Variants in CYYR1 observed in about 807,000 individuals in gnomAD.
CYYR1 encodes the protein cysteine and tyrosine-rich protein 1.
CYYR1 carries 14 observed loss-of-function variants against 15.2 expected under a neutral mutation model. The observed-to-expected ratio is 0.92, with a 90% CI of 0.61 to 1.44. CYYR1 has a LOEUF of 1.44. Ranked by LOEUF, CYYR1 falls within the 40% of genes most tolerant of loss-of-function variation. CYYR1 has a pLI of 0.00. For missense variants in CYYR1, 228 were observed against 209.5 expected (o/e 1.09, Z -0.54); for synonymous variants, 80 against 77.4 (o/e 1.03, Z -0.18).
intron 2 of CYYR1, among the ~76,000 whole-genome samples, chr21:26,490,293 C>G (rs928165159): frequency 1.3e-5 from 2 of 151,926 alleles, no homozygotes. Flanking sequence ...GAGTGAGACC[C>G]TGTCTCAAAA....
chr21:26,490,654 C>T (rs911665765), intron 2 of CYYR1, among the ~76,000 whole-genome samples: 1 of 152,170 alleles, frequency 6.6e-6, no homozygotes, highest in African/African-American at 2.4e-5. Flanking sequence ...CCACAACTCA[C>T]GTGTTTTGAA....
chr21:26,537,621 G>A (rs1172275555), intron 2 of CYYR1, among the ~76,000 whole-genome samples: 1 of 152,082 alleles, frequency 6.6e-6, no homozygotes, highest in Non-Finnish European at 1.5e-5. Flanking sequence ...ACCTTTCACT[G>A]GGCAAAGCAA....
intron 2 of CYYR1, among the ~76,000 whole-genome samples, chr21:26,501,349 A>G (rs1246070741): frequency 1.3e-5 from 2 of 152,220 alleles, no homozygotes; most frequent in African/African-American, 4.8e-5. Context: ...AAATAAACAA[A>G]TAAAATCAGC....
At chr21:26,514,393 G>C (rs551006235) in intron 2 of CYYR1, among the ~76,000 whole-genome samples, 1 of 152,096 alleles carries the variant, frequency 6.6e-6, no homozygotes, top group Non-Finnish European at 1.5e-5. Context: ...TTGTCAAAAA[G>C]AGCCTCACAC....
At chr21:26,512,614 G>T (rs1247259542) in intron 2 of CYYR1, among the ~76,000 whole-genome samples, 1 of 152,058 alleles carries the variant, frequency 6.6e-6, no homozygotes, top group African/African-American at 2.4e-5. Flanking sequence ...ATTCTTAAGT[G>T]GCTTAAAAAG....
chr21:26,474,029 T>A (rs1040617287), intron 3 of CYYR1, among the ~76,000 whole-genome samples: 2 of 147,066 alleles, frequency 1.4e-5, no homozygotes, highest in Non-Finnish European at 3.0e-5. Context: ...TTTTTTGTTG[T>A]TGTGTGTTTT....
At chr21:26,558,431 C>A (rs1035642744) in intron 2 of CYYR1, among the ~76,000 whole-genome samples, 1 of 152,130 alleles carries the variant, frequency 6.6e-6, no homozygotes, top group African/African-American at 2.4e-5. Context: ...GCAATCCTCC[C>A]ACCTCAGCCT....
chr21:26,544,213 G>A (rs957183538), intron 2 of CYYR1, among the ~76,000 whole-genome samples: 4 of 152,114 alleles, frequency 2.6e-5, no homozygotes, highest in African/African-American at 9.7e-5. Context: ...CCAGAATACA[G>A]GAAAACTGTT....
chr21:26,557,212 TCTC>T, intron 2 of CYYR1, among the ~76,000 whole-genome samples: 1 of 152,262 alleles, frequency 6.6e-6, no homozygotes, highest in East Asian at 1.9e-4. Context: ...AAATGGTAGT[TCTC>T]TTTCTTCCAA....
chr21:26,531,984 C>A (rs530250082), intron 2 of CYYR1, among the ~76,000 whole-genome samples: 1 of 152,114 alleles, frequency 6.6e-6, no homozygotes, highest in African/African-American at 2.4e-5. Context: ...AACCTCTGGC[C>A]TGCAACTAAG....
rs747913196 is a variant in CYYR1 at position 26,573,028 on chromosome 21, C to T, written c.-88G>A. ...ATGGAGGGCGATCAGATGGAGAGAG[C>T]AGCGCTCCTGAGAGCCGGGTGGAGC... On this transcript the variant is annotated 5_prime_UTR_variant, in exon 1 of 4. Transcript: ENST00000652641. 2 of 1,605,806 alleles carry T rather than the reference C, an allele frequency of 1.2e-6. No homozygotes were observed. Among genetic ancestry groups the T allele is most frequent in the South Asian group, 2.2e-5 (2 of 90,178 alleles).
chr21:26,541,039 A>G (rs765612467), intron 2 of CYYR1, among the ~76,000 whole-genome samples: 9 of 152,218 alleles, frequency 5.9e-5, no homozygotes, highest in Non-Finnish European at 1.2e-4. Context: ...GATGTTAAGG[A>G]TGAAAGAAGA....
At chr21:26,566,720 G>C in intron 1 of CYYR1, among the ~76,000 whole-genome samples, 1 of 152,112 alleles carries the variant, frequency 6.6e-6, no homozygotes, top group African/African-American at 2.4e-5. Context: ...AAATGATAAA[G>C]CCTTCTTGGC....
intron 2 of CYYR1, among the ~76,000 whole-genome samples, chr21:26,554,615 A>G (rs892675956): frequency 2.6e-5 from 4 of 152,028 alleles, no homozygotes; most frequent in Admixed American, 2.6e-4. Context: ...TCTCCTGGGG[A>G]GAGGCAGGTG....
At chr21:26,484,984 C>T (rs1241813126) in intron 2 of CYYR1, among the ~76,000 whole-genome samples, 1 of 151,972 alleles carries the variant, frequency 6.6e-6, no homozygotes, top group Non-Finnish European at 1.5e-5. Flanking sequence ...AAATTTACAG[C>T]ATTATTTACT....
chr21:26,478,218 G>A (rs2065127953), intron 3 of CYYR1: 3 of 1,511,078 alleles, frequency 2.0e-6, no homozygotes, highest in African/African-American at 2.8e-5. Flanking sequence ...AAAGCACTCT[G>A]GATAAAAAGC....
rs181739041 is a variant in CYYR1 at position 26,519,428 on chromosome 21, A to G, written c.177-38999T>C. ...AGCATACCAGACAGATGGCACAGCT[A>G]GGAGAGGGACCTGAAGGGAATCTGA... is the stretch of plus-strand genomic sequence containing the variant. On this transcript the variant is annotated intron_variant, in intron 2 of 3. Coordinates refer to ENST00000652641, the MANE Select transcript of CYYR1 (RefSeq NM_001320768.2). 2.0e-5 allele frequency among the ~76,000 whole-genome samples: 3 copies of G among 152,280 alleles called. No individual in the cohort carries two copies. The East Asian group carries it at 5.8e-4, about 30-fold the overall frequency.
At chr21:26,570,722 T>C (rs1007376651) in intron 1 of CYYR1, among the ~76,000 whole-genome samples, 11 of 152,250 alleles carry the variant, frequency 7.2e-5, no homozygotes, top group Non-Finnish European at 1.3e-4. Flanking sequence ...ATTCATTTAA[T>C]AGTATGAACT....
chr21:26,542,031 C>G (rs998938465), intron 2 of CYYR1, among the ~76,000 whole-genome samples: 3 of 152,010 alleles, frequency 2.0e-5, no homozygotes, highest in African/African-American at 7.2e-5. Context: ...AGACTAAATC[C>G]CACCACATCA....
Sources: gnomAD v4.1 joint callset for allele counts (sites outside exome capture counted in the v4.1 genomes callset) on GRCh38, gnomAD v4.1.1 for gene constraint, MANE v1.5 for transcripts, NCBI Gene and HGNC (gene_info 2026-07-23, HGNC 2026-07-21) for gene names.